Variants in POTEE observed in about 807,000 individuals in gnomAD.
POTEE encodes ANKRD26-like family C member 1A.
In POTEE, 21 loss-of-function variants were observed where a neutral mutation model predicts 74.2. The observed-to-expected ratio is 0.28, with a 90% CI of 0.20 to 0.41. The LOEUF is 0.41. Among genes scored for constraint, POTEE ranks in the 10% least tolerant of loss-of-function variants. The pLI is 1.00. For missense variants in POTEE, 525 were observed against 1,158.6 expected (o/e 0.45, Z 7.94); for synonymous variants, 211 against 432.8 (o/e 0.49, Z 6.36).
chr2:131,263,619 G>A lies in POTEE; in HGVS notation c.2164G>A (p.Ala722Thr), dbSNP rs1701792541. 2 of 1,592,478 alleles carry A rather than the reference G, an allele frequency of 1.3e-6. No individual in the cohort carries two copies. The highest frequency in any genetic ancestry group is 8.5e-7 in the Non-Finnish European group (1 of 1,169,648). ...NGSGMCKAGF[A>T]GDDAPRAVFP... ...CTCTGGCATGTGCAAGGCCGGCTTTGCGGGCGACGATGCCCCCCGGGCTGT... is the reference window on the plus strand; with the variant it reads ...CTCTGGCATGTGCAAGGCCGGCTTTACGGGCGACGATGCCCCCCGGGCTGT... Residue 722 changes from alanine (A) to threonine (T), a missense_variant, in exon 18 of 18, where the codon GCG becomes ACG. Ala to Thr is a moderately conservative substitution (Grantham distance 58, BLOSUM62 0). Transcript: ENST00000683005.
chr2:131,237,246 C>T (rs1701159055), intron 10 of POTEE, among the ~76,000 whole-genome samples: 1 of 150,658 alleles, frequency 6.6e-6, no homozygotes, highest in Non-Finnish European at 1.5e-5. Context: ...AACAATGTAA[C>T]TCTGATGGTC....
intron 4 of POTEE, among the ~76,000 whole-genome samples, chr2:131,223,328 C>T (rs933201422): frequency 6.8e-6 from 1 of 146,964 alleles, no homozygotes; most frequent in East Asian, 2.0e-4. Context: ...AAGCAACAGC[C>T]AGGAAGTGAC....
chr2:131,218,189 C>A lies in POTEE; in HGVS notation c.-93-121C>A, dbSNP rs1433950287. 7.6e-5 allele frequency: 67 copies of A among 880,136 alleles called. No homozygotes were observed. The East Asian group carries it at 1.5e-3, about 20-fold the overall frequency. 54.5% of individuals were successfully genotyped at this position (880,136 alleles called of 1,614,324 possible). A position where few individuals can be genotyped will look rare whatever the true frequency, so the allele number is the denominator to read the frequency against. ...TTTCTGGGGTGGGCGTGGGGTCGCC[C>A]AGGGGGGGCGTGGGCTTTCCTCGGG... is the stretch of plus-strand genomic sequence containing the variant. On this transcript the variant is annotated intron_variant, in intron 3 of 17. Coordinates refer to ENST00000683005, the MANE Select transcript of POTEE (RefSeq NM_001083538.3).
chr2:131,230,670 G>A (rs1477116502), intron 8 of POTEE, among the ~76,000 whole-genome samples, 166 bp from the exon 9 acceptor site: 1 of 152,060 alleles, frequency 6.6e-6, no homozygotes, highest in African/African-American at 2.4e-5. Flanking sequence ...TTAATTAGAA[G>A]CTTAAAGAGA....
chr2:131,263,838 C>T lies in POTEE; in HGVS notation c.2383C>T (p.Arg795Cys), dbSNP rs376647430. 7.7e-5 allele frequency: 124 copies of T among 1,614,150 alleles called. No individual in the cohort carries two copies. Among genetic ancestry groups the T allele is most frequent in the South Asian group, 3.7e-4 (34 of 91,082 alleles). Residue 795 changes from arginine (R) to cysteine (C), a missense_variant, in exon 18 of 18, where the codon CGT (arginine) becomes TGT (cysteine). Coordinates refer to ENST00000683005, the MANE Select transcript of POTEE (RefSeq NM_001083538.3). The part of the protein sequence containing the change: ...IWHHTFYNEL[R>C]VAPEEHPILL... The stretch of plus-strand genomic sequence containing the variant: ...GCACCACACCTTCTACAACGAGCTG[C>T]GTGTGGCTCCCGAGGAGCACCCCAT...
At chr2:131,235,822 A>G (rs888242620) in intron 9 of POTEE, among the ~76,000 whole-genome samples, 6 of 151,868 alleles carry the variant, frequency 4.0e-5, no homozygotes, top group Non-Finnish European at 7.4e-5. Context: ...AAGAAAGAAA[A>G]AAGAAAATAA....
intron 1 of POTEE, among the ~76,000 whole-genome samples, 96 bp downstream of exon 1, chr2:131,209,915 G>A (rs1397395366): frequency 2.7e-5 from 4 of 150,662 alleles, no homozygotes; most frequent in African/African-American, 9.8e-5. Flanking sequence ...TGTGTCAGGG[G>A]GCTGGTTGGG....
In POTEE at chr2:131,238,182, T is replaced by C; in HGVS notation, c.1198-12T>C. The C allele has an allele frequency of 6.2e-7, 1 of 1,606,342 alleles. No homozygotes were observed. The highest frequency in any genetic ancestry group is 2.2e-5 in the East Asian group (1 of 44,612). On this transcript the variant is annotated splice_polypyrimidine_tract_variant and intron_variant, in intron 10 of 17. Coordinates refer to ENST00000683005, the MANE Select transcript of POTEE (RefSeq NM_001083538.3). ...CAACAAGCAAATTAACCTTCTGTTT[T>C]TGCCTCTGCAGAAAATGTCTCAAGA... is the stretch of plus-strand genomic sequence containing the variant.
In POTEE at chr2:131,225,553, T is replaced by A. The variant is rs935655320; in HGVS notation, c.811-1270T>A. ...TGCTGATTTCTTTAAATCTTTCCAA[T>A]AACATTAATCTGACTTTTTTTTTTT... On this transcript the variant is annotated intron_variant, in intron 6 of 17. Coordinates refer to ENST00000683005, the MANE Select transcript of POTEE (RefSeq NM_001083538.3). Among the ~76,000 whole-genome samples the A allele has an allele frequency of 5.3e-5, 7 of 131,384 alleles. 1 individual carries two copies. Among genetic ancestry groups the A allele is most frequent in the Non-Finnish European group, 1.0e-4 (6 of 60,148 alleles). The allele number at this position is 131,384 out of a possible 152,430, so 86.2% of individuals were successfully genotyped here.
At chr2:131,237,607 A>G (rs1457767462) in intron 10 of POTEE, among the ~76,000 whole-genome samples, 1 of 151,462 alleles carries the variant, frequency 6.6e-6, no homozygotes, top group African/African-American at 2.4e-5. Flanking sequence ...GATAATCTGG[A>G]TACATAACAC....
chr2:131,256,958 T>TA (rs1701593194), intron 16 of POTEE, among the ~76,000 whole-genome samples: 1 of 152,308 alleles, frequency 6.6e-6, no homozygotes, highest in African/African-American at 2.4e-5. Context: ...TTATCATCTT[T>TA]AACTTCAAAC....
At chr2:131,232,757 G>A (rs1573717240) in intron 9 of POTEE, among the ~76,000 whole-genome samples, 1 of 151,770 alleles carries the variant, frequency 6.6e-6, no homozygotes, top group South Asian at 2.1e-4. Flanking sequence ...TCTTTCAGCT[G>A]TGCTGTTGAC....
intron 6 of POTEE, among the ~76,000 whole-genome samples, chr2:131,225,982 G>A (rs1212671029): frequency 2.0e-5 from 3 of 152,158 alleles, no homozygotes; most frequent in African/African-American, 7.2e-5. Context: ...TCAATAAGTA[G>A]AGGATGGCCC....
chr2:131,226,092 A>G (rs1333866768), intron 6 of POTEE, among the ~76,000 whole-genome samples: 3 of 152,178 alleles, frequency 2.0e-5, no homozygotes, highest in African/African-American at 7.2e-5. Context: ...CAAATTCTAA[A>G]CCACTTTTTG....
chr2:131,223,570 C>A (rs1438417279), intron 4 of POTEE, 26 bp from the exon 5 acceptor site: 2 of 1,611,578 alleles, frequency 1.2e-6, no homozygotes, highest in Admixed American at 3.3e-5. Flanking sequence ...ACTACAATTT[C>A]CTAAAAAGTC....
In POTEE at chr2:131,218,459, T is replaced by G. The variant is rs1700503158; in HGVS notation, c.57T>G (p.Gly19=). Residue 19 remains glycine (G), a synonymous_variant, in exon 4 of 18, where the codon GGT becomes GGG. Coordinates refer to ENST00000683005, the MANE Select transcript of POTEE (RefSeq NM_001083538.3). ...CCTCTTCTGTGAAGAAGCCATTTGG[T>G]CTCAGGAGCAAGATGGGCAAGTGGT... is the stretch of plus-strand genomic sequence containing the variant. The part of the protein sequence containing the change: ...PAASSVKKPF[G]LRSKMGKWCC... The G allele has an allele frequency of 6.2e-7, 1 of 1,613,174 alleles. No individual in the cohort carries two copies. Among genetic ancestry groups the G allele is most frequent in the Non-Finnish European group, 8.5e-7 (1 of 1,179,822 alleles).
At chr2:131,224,745 A>T (rs1417898022) in intron 6 of POTEE, among the ~76,000 whole-genome samples, 5 of 150,700 alleles carry the variant, frequency 3.3e-5, no homozygotes, top group African/African-American at 1.2e-4. Flanking sequence ...CTACCTAGAG[A>T]TCAATTTTAG....
intron 1 of POTEE, among the ~76,000 whole-genome samples, chr2:131,210,332 GTT>G: frequency 7.6e-6 from 1 of 131,454 alleles, no homozygotes; most frequent in African/African-American, 3.0e-5. Flanking sequence ...GGAAGGGGTG[GTT>G]GGGGGGGGGT....
intron 1 of POTEE, among the ~76,000 whole-genome samples, 72 bp downstream of exon 1, chr2:131,209,891 G>C (rs1278656104): frequency 2.6e-5 from 4 of 151,318 alleles, no homozygotes; most frequent in Non-Finnish European, 5.9e-5. Context: ...CTCACTGCCC[G>C]AGGCTGCACT....
Sources: allele counts gnomAD v4.1 joint callset (sites outside exome capture counted in the v4.1 genomes callset), GRCh38; gene constraint gnomAD v4.1.1; transcripts MANE v1.5; gene names NCBI Gene and HGNC (gene_info 2026-07-23, HGNC 2026-07-21).